MROH9: variants seen among roughly 807,000 people sequenced by gnomAD.
The protein encoded by MROH9 is maestro heat like repeat family member 9, also known as maestro heat-like repeat-containing protein family member 9.
Under a neutral mutation model 98.2 loss-of-function variants are expected in MROH9, and 92 were observed. The ratio of observed to expected loss-of-function variants is 0.94; its 90% confidence interval spans 0.79 to 1.11. MROH9 has a LOEUF of 1.11. MROH9 is among the 50% of genes most tolerant of loss of function. MROH9 has a pLI of 0.00. For synonymous variants in MROH9, 397 were observed against 368.9 expected (o/e 1.08, Z -0.87); for missense variants, 1,057 against 1,014.8 (o/e 1.04, Z -0.57).
intron 1 of MROH9, among the ~76,000 whole-genome samples, chr1:170,944,969 A>G (rs1392294830): frequency 6.6e-6 from 1 of 152,022 alleles, no homozygotes; most frequent in Admixed American, 6.6e-5. Context: ...GTTACTAATC[A>G]GTTATCTTTG....
At chr1:171,005,908 C>A (rs967782760) in intron 15 of MROH9, among the ~76,000 whole-genome samples, 1 of 151,982 alleles carries the variant, frequency 6.6e-6, no homozygotes, top group South Asian at 2.1e-4. Context: ...ATTATTGAAG[C>A]TATATTTTAA....
At chr1:171,008,084 C>T (rs1652022873) in intron 15 of MROH9, among the ~76,000 whole-genome samples, 1 of 152,072 alleles carries the variant, frequency 6.6e-6, no homozygotes, top group Non-Finnish European at 1.5e-5. Flanking sequence ...GAATAGTATT[C>T]CATTCTTGTT....
intron 20 of MROH9, among the ~76,000 whole-genome samples, chr1:171,028,867 A>G (rs1652816698): frequency 6.6e-6 from 1 of 152,202 alleles, no homozygotes; most frequent in South Asian, 2.1e-4. Context: ...ATTTTTGCAC[A>G]TTGATTTTGT....
At chr1:170,959,692 C>T (rs1649939990) in intron 5 of MROH9, 95 bp downstream of exon 5, 3 of 1,094,740 alleles carry the variant, frequency 2.7e-6, no homozygotes, top group Non-Finnish European at 3.8e-6. Flanking sequence ...CTTTAGGGTC[C>T]TCCTCTTCAC....
chr1:171,004,829 T>C (rs906339250), intron 15 of MROH9, among the ~76,000 whole-genome samples: 1 of 152,000 alleles, frequency 6.6e-6, no homozygotes, highest in African/African-American at 2.4e-5. Flanking sequence ...GTTCCATGGG[T>C]CAATATGTCT....
intron 20 of MROH9, among the ~76,000 whole-genome samples, chr1:171,059,027 G>T (rs1314310491): frequency 6.6e-6 from 1 of 152,192 alleles, no homozygotes; most frequent in Non-Finnish European, 1.5e-5. Context: ...CACAGCAAAA[G>T]AAACTATCAT....
intron 20 of MROH9, among the ~76,000 whole-genome samples, chr1:171,059,440 G>A (rs931089929): frequency 6.6e-6 from 1 of 152,162 alleles, no homozygotes; most frequent in African/African-American, 2.4e-5. Context: ...CACTGTTGGT[G>A]GGAATGTAGA....
At position 170,989,874 on chromosome 1, in the gene MROH9, C is replaced by T. The variant is rs1213518074; in HGVS notation, c.899C>T (p.Ala300Val). The T allele has an allele frequency of 5.0e-6, 8 of 1,603,322 alleles. No individual in the cohort carries two copies. In the Admixed American group the frequency reaches 6.7e-5, roughly 13 times the overall value. ...TTCCAGGTGTCTAAGATCGTGGATGCTATTTACAGGCAACTGTGTGATAAC... is the reference window on the plus strand; with the variant it reads ...TTCCAGGTGTCTAAGATCGTGGATGTTATTTACAGGCAACTGTGTGATAAC... Reference protein sequence around the residue: ...KVTMVSKIVDAIYRQLCDNNC... With the variant: ...KVTMVSKIVDVIYRQLCDNNC... The change falls in exon 11 of 22, where the codon GCT becomes GTT. Residue 300 changes from alanine (A) to valine (V), a missense_variant. Ala to Val is a moderately conservative substitution (Grantham distance 64). Coordinates refer to ENST00000367759, the MANE Select transcript of MROH9 (RefSeq NM_001163629.2).
chr1:170,958,692 C>A, intron 4 of MROH9, 152 bp downstream of exon 4: 1 of 524,778 alleles, frequency 1.9e-6, no homozygotes, highest in East Asian at 2.9e-5. Flanking sequence ...TACTCTTTCC[C>A]AGTCTTTTTG....
At chr1:170,959,324 G>T (rs145790054) in intron 4 of MROH9, 138 bp from the exon 5 acceptor site, 2 of 674,366 alleles carry the variant, frequency 3.0e-6, no homozygotes, top group African/African-American at 1.9e-5. Flanking sequence ...GCAGTGAGCC[G>T]AGATGGCACC....
intron 7 of MROH9, among the ~76,000 whole-genome samples, chr1:170,970,731 T>TGTGAGAGAGAGAGAGA (rs1491154307): frequency 4.1e-4 from 37 of 90,870 alleles, no homozygotes; most frequent in African/African-American, 1.1e-3. Flanking sequence ...TGTGTGTGTG[T>TGTGAGAGAGAGAGAGA]GAGAGAGAGA....
intron 3 of MROH9, among the ~76,000 whole-genome samples, chr1:170,955,214 C>T (rs916966545): frequency 6.6e-6 from 1 of 151,980 alleles, no homozygotes; most frequent in African/African-American, 2.4e-5. Context: ...TCTTTATCCA[C>T]TTGTTGATGG....
chr1:171,063,555 C>T (rs1654075971), intron 21 of MROH9, among the ~76,000 whole-genome samples: 1 of 152,030 alleles, frequency 6.6e-6, no homozygotes, highest in African/African-American at 2.4e-5. Context: ...CCTGGCCTAT[C>T]CAGGATATTT....
chr1:170,995,510 C>T lies in MROH9; in HGVS notation c.1316C>T (p.Pro439Leu), dbSNP rs201312211. ...FQVFYNSELK[P>L]ILKDRALYAQ... ...GTCTTCTACAACAGTGAGCTGAAAC[C>T]GATACTCAAGGACAGGGCTTTGTGA... The change falls in exon 13 of 22, where the codon CCG becomes CTG. Residue 439 changes from proline to leucine, a missense_variant. Transcript: ENST00000367759. 1.3e-4 allele frequency: 217 copies of T among 1,613,186 alleles called. No homozygotes were observed. Among genetic ancestry groups the T allele is most frequent in the Non-Finnish European group, 9.4e-5 (111 of 1,179,482 alleles).
intron 20 of MROH9, among the ~76,000 whole-genome samples, chr1:171,037,096 T>C (rs909403693): frequency 1.3e-5 from 2 of 151,924 alleles, no homozygotes; most frequent in African/African-American, 4.8e-5. Flanking sequence ...TTTATATACT[T>C]TTAATTTAAA....
chr1:170,945,340 A>T (rs918701030), intron 1 of MROH9, among the ~76,000 whole-genome samples, 180 bp from the exon 2 acceptor site: 1 of 152,074 alleles, frequency 6.6e-6, no homozygotes, highest in African/African-American at 2.4e-5. Context: ...CTTCTGACCT[A>T]CAGACACTGA....
At position 170,935,590 on chromosome 1, in the gene MROH9, A is replaced by G. The variant is rs1648842473; in HGVS notation, c.-38+3A>G. ...GATTACAGAGAAGTTACAAATATGT[A>G]AGTGAATTCCTATTAATATTTCTGT... On this transcript the variant is annotated splice_donor_region_variant and intron_variant, in intron 1 of 21. Transcript: ENST00000367759. 1 of 152,214 alleles carries G rather than the reference A, an allele frequency of 6.6e-6. No homozygotes were observed. The highest frequency in any genetic ancestry group is 1.5e-5 in the Non-Finnish European group (1 of 68,020). 9.4% of individuals were successfully genotyped at this position (152,214 alleles called of 1,614,324 possible).
chr1:171,032,267 A>G lies in MROH9; in HGVS notation c.2281+6847A>G, dbSNP rs180765121. On this transcript the variant is annotated intron_variant, in intron 20 of 21. Coordinates refer to ENST00000367759, the MANE Select transcript of MROH9 (RefSeq NM_001163629.2). ...TAGTTTTTTATTACCCATCTTCTGA[A>G]GGCTACTACTGTCGATTCATCCATC... 2.6e-5 allele frequency among the ~76,000 whole-genome samples: 4 copies of G among 152,260 alleles called. No homozygotes were observed. In the East Asian group the frequency reaches 5.8e-4, roughly 22 times the overall value.
chr1:171,017,019 C>T (rs559352714), intron 17 of MROH9, among the ~76,000 whole-genome samples: 74 of 152,198 alleles, frequency 4.9e-4, no homozygotes, highest in African/African-American at 1.7e-3. Flanking sequence ...TTTTTAATCA[C>T]TTACAGTTCA....
Sources: allele counts gnomAD v4.1 joint callset (sites outside exome capture counted in the v4.1 genomes callset), GRCh38; gene constraint gnomAD v4.1.1; transcripts MANE v1.5; gene names NCBI Gene and HGNC (gene_info 2026-07-23, HGNC 2026-07-21).